TNFAIP8: variants seen among roughly 807,000 people sequenced by gnomAD.
TNFAIP8 encodes tumor necrosis factor alpha-induced protein 8.
A neutral mutation model predicts 13.3 loss-of-function variants in TNFAIP8; 7 were observed. That is an observed-to-expected ratio of 0.52 (90% confidence interval 0.30 to 0.99). TNFAIP8 has a LOEUF of 0.99. Ranked by LOEUF, TNFAIP8 falls within the 50% of genes least tolerant of loss-of-function variation. The probability of loss-of-function intolerance (pLI) is 0.07; values close to 1 mark genes in which losing one functional copy is unlikely to be tolerated. For missense variants in TNFAIP8, 258 were observed against 236.9 expected (o/e 1.09, Z -0.58); for synonymous variants, 94 against 87.6 (o/e 1.07, Z -0.41).
chr5:119,304,975 C>G (rs540098610), intron 1 of TNFAIP8, among the ~76,000 whole-genome samples: 1 of 152,238 alleles, frequency 6.6e-6, no homozygotes, highest in Admixed American at 6.5e-5. Context: ...TCAGTGTAAT[C>G]TGCATTCTGC....
chr5:119,367,389 C>T lies in TNFAIP8; in HGVS notation c.31+11268C>T, dbSNP rs527815490. Among the ~76,000 whole-genome samples the T allele has an allele frequency of 1.1e-4, 16 of 152,182 alleles. No individual in the cohort carries two copies. In the South Asian group the frequency reaches 2.5e-3, roughly 24 times the overall value. ...TGGAATGTCAACTGGACTATTTTGT[C>T]GTAGAGGATGGGAGGGAGAGAACTG... On this transcript the variant is annotated intron_variant, in intron 1 of 1. Transcript: ENST00000504771.
chr5:119,358,125 A>T (rs1751504235), intron 1 of TNFAIP8, among the ~76,000 whole-genome samples: 1 of 146,720 alleles, frequency 6.8e-6, no homozygotes, highest in African/African-American at 2.6e-5. Flanking sequence ...CATCCTGGTG[A>T]ACTTATGTAT....
At chr5:119,287,506 C>T (rs1210235244) in intron 1 of TNFAIP8, among the ~76,000 whole-genome samples, 2 of 151,980 alleles carry the variant, frequency 1.3e-5, no homozygotes, top group South Asian at 2.1e-4. Context: ...GTAAACAATA[C>T]AGAATTATTA....
intron 1 of TNFAIP8, among the ~76,000 whole-genome samples, chr5:119,294,437 A>C (rs1438134998): frequency 6.6e-6 from 1 of 152,122 alleles, no homozygotes; most frequent in Non-Finnish European, 1.5e-5. Context: ...TTCTTAATCC[A>C]GTCTATCATT....
intron 1 of TNFAIP8, among the ~76,000 whole-genome samples, chr5:119,305,927 G>T (rs1190779687): frequency 6.6e-6 from 1 of 152,200 alleles, no homozygotes; most frequent in Non-Finnish European, 1.5e-5. Context: ...ACTTACCTGT[G>T]CCGTGCACCT....
chr5:119,287,528 C>T (rs912288741), intron 1 of TNFAIP8, among the ~76,000 whole-genome samples: 8 of 151,942 alleles, frequency 5.3e-5, no homozygotes, highest in Non-Finnish European at 1.0e-4. Context: ...CTATAGTCGC[C>T]GTGCTGTATA....
intron 1 of TNFAIP8, among the ~76,000 whole-genome samples, chr5:119,339,465 T>G (rs1191807482): frequency 3.3e-5 from 5 of 151,388 alleles, no homozygotes; most frequent in East Asian, 3.9e-4. Flanking sequence ...GTGTTTTTTT[T>G]TTTTTTTTTT....
intron 1 of TNFAIP8, among the ~76,000 whole-genome samples, chr5:119,290,222 A>C (rs1307372606): frequency 6.6e-6 from 1 of 152,246 alleles, no homozygotes; most frequent in Non-Finnish European, 1.5e-5. Context: ...ACAACAAAAA[A>C]CATTTATGGT....
At chr5:119,289,944 C>T (rs1349090850) in intron 1 of TNFAIP8, among the ~76,000 whole-genome samples, 1 of 152,334 alleles carries the variant, frequency 6.6e-6, no homozygotes, top group South Asian at 2.1e-4. Context: ...ATTATGAAGT[C>T]AGTCCAAGAC....
chr5:119,300,449 A>G (rs1227365903), intron 1 of TNFAIP8, among the ~76,000 whole-genome samples: 1 of 152,232 alleles, frequency 6.6e-6, no homozygotes, highest in Non-Finnish European at 1.5e-5. Flanking sequence ...AACAAATGTT[A>G]TTTGTAAAAG....
At position 119,398,475 on chromosome 5, in the gene TNFAIP8, G is replaced by A. The variant is rs536759481; in HGVS notation, c.*5094G>A. On this transcript the variant is annotated 3_prime_UTR_variant, in exon 2 of 2. Coordinates refer to ENST00000504771, the MANE Select transcript of TNFAIP8 (RefSeq NM_014350.4). Reference sequence around the variant, plus strand: ...GTGGGCGGATCACCTGAGGTCCAGAGTTCAAGACCAGCCTGACCAACATGG... The same window carrying A: ...GTGGGCGGATCACCTGAGGTCCAGAATTCAAGACCAGCCTGACCAACATGG... 16 of 152,350 alleles carry A rather than the reference G, an allele frequency of 1.1e-4. No homozygotes were observed. Among genetic ancestry groups the A allele is most frequent in the African/African-American group, 3.6e-4 (15 of 41,570 alleles). The allele number at this position is 152,350 out of a possible 1,614,324, so 9.4% of individuals were successfully genotyped here. A position where few individuals can be genotyped will look rare whatever the true frequency, so the allele number is the denominator to read the frequency against.
chr5:119,386,321 A>G (rs1402985473), intron 1 of TNFAIP8, among the ~76,000 whole-genome samples: 1 of 152,232 alleles, frequency 6.6e-6, no homozygotes, highest in Non-Finnish European at 1.5e-5. Context: ...AGAGCAGTCA[A>G]ACAAGAAAAT....
intron 1 of TNFAIP8, among the ~76,000 whole-genome samples, chr5:119,306,080 C>G (rs1297074205): frequency 6.6e-6 from 1 of 152,210 alleles, no homozygotes; most frequent in Non-Finnish European, 1.5e-5. Flanking sequence ...CTCCATCCTT[C>G]CAGAAAACAG....
intron 1 of TNFAIP8, among the ~76,000 whole-genome samples, chr5:119,304,212 G>C (rs1749483746): frequency 6.6e-6 from 1 of 152,004 alleles, no homozygotes; most frequent in Non-Finnish European, 1.5e-5. Context: ...CCAAATACCT[G>C]GCCTCAAGTG....
intron 1 of TNFAIP8, among the ~76,000 whole-genome samples, chr5:119,295,117 G>A (rs1180024780): frequency 3.1e-4 from 47 of 151,694 alleles, no homozygotes; most frequent in African/African-American, 8.9e-4. Flanking sequence ...GTCCTTGCCC[G>A]TGCCTATGTC....
intron 1 of TNFAIP8, among the ~76,000 whole-genome samples, chr5:119,363,571 G>A (rs990920978): frequency 3.3e-5 from 5 of 152,114 alleles, no homozygotes; most frequent in African/African-American, 1.2e-4. Flanking sequence ...GGTACATGAG[G>A]GTAACAAGTG....
chr5:119,352,903 T>A (rs1233103623), upstream of TNFAIP8, among the ~76,000 whole-genome samples: 6 of 152,174 alleles, frequency 3.9e-5, no homozygotes, highest in Non-Finnish European at 8.8e-5. Context: ...GTAGGGTCAA[T>A]TTACATATGA....
chr5:119,278,105 A>G lies in TNFAIP8; in HGVS notation c.1+9198A>G, dbSNP rs112205533. Among the ~76,000 whole-genome samples the G allele has an allele frequency of 7.0e-3, 1,062 of 152,278 alleles. 12 individuals are homozygous for G. The highest frequency in any genetic ancestry group is 0.025 in the African/African-American group (1,021 of 41,546). Reference sequence around the variant, plus strand: ...GGGATGTTTTAGACTGCAATTAAGCAAATGCCAATGAACAGTGATTTGAAT... The same window carrying G: ...GGGATGTTTTAGACTGCAATTAAGCGAATGCCAATGAACAGTGATTTGAAT... On this transcript the variant is annotated intron_variant, in intron 1 of 1. Coordinates refer to the TNFAIP8 transcript ENST00000274456.
intron 1 of TNFAIP8, among the ~76,000 whole-genome samples, chr5:119,390,669 G>A (rs949162029): frequency 6.6e-6 from 1 of 152,082 alleles, no homozygotes. Context: ...ATTCAATCAA[G>A]ACATTCTTTG....
Sources: allele counts gnomAD v4.1 joint callset (sites outside exome capture counted in the v4.1 genomes callset), GRCh38; gene constraint gnomAD v4.1.1; transcripts MANE v1.5; gene names NCBI Gene and HGNC (gene_info 2026-07-23, HGNC 2026-07-21).